The following USP53 variants were observed in gnomAD, a reference collection of about 807,000 sequenced individuals.
USP53 encodes the protein ubiquitin carboxyl-terminal hydrolase 53.
In USP53, 71 loss-of-function variants were observed where a neutral mutation model predicts 94.9. The ratio of observed to expected loss-of-function variants is 0.75; its 90% confidence interval spans 0.62 to 0.91. The LOEUF is 0.91. USP53 is among the 40% of genes least tolerant of loss of function. The pLI is 0.00. For missense variants in USP53, 1,173 were observed against 1,281.0 expected, an observed-to-expected ratio of 0.92 and a Z score of 1.29; for synonymous variants, 375 against 422.7, an observed-to-expected ratio of 0.89 and a Z score of 1.39.
chr4:119,223,335 A>G (rs915646463), intron 3 of USP53, among the ~76,000 whole-genome samples: 1 of 152,196 alleles, frequency 6.6e-6, no homozygotes, highest in Non-Finnish European at 1.5e-5. Context: ...AGAACTGGGA[A>G]AGAACTACAG....
At chr4:119,256,094 C>A in intron 7 of USP53, 152 bp from the exon 8 acceptor site, 1 of 564,144 alleles carries the variant, frequency 1.8e-6, no homozygotes, top group Non-Finnish European at 3.1e-6. Flanking sequence ...AACATTCGAT[C>A]AAAGTGTTGA....
intron 7 of USP53, among the ~76,000 whole-genome samples, chr4:119,252,863 G>A (rs946421156): frequency 5.9e-5 from 9 of 152,002 alleles, no homozygotes; most frequent in Non-Finnish European, 1.3e-4. Flanking sequence ...TTTCTCTCGT[G>A]GGCATTTCAT....
At chr4:119,251,227 C>T (rs1748956517) in intron 7 of USP53, among the ~76,000 whole-genome samples, 1 of 152,164 alleles carries the variant, frequency 6.6e-6, no homozygotes, top group African/African-American at 2.4e-5. Context: ...CTGCAAAGGA[C>T]ATGAACTCAT....
Position 119,268,333 on chromosome 4 carries a change from A to G in USP53, c.1201A>G (p.Lys401Glu). ...AGAAAATGGATTTGGTGATCAGGCA[A>G]AGCAGAGAGAAAATCAGAAATTTCC... is the stretch of plus-strand genomic sequence containing the variant. The part of the protein sequence containing the change: ...LKENGFGDQA[K>E]QRENQKFPTD... The change falls in exon 14 of 19, where the codon AAG becomes GAG. Residue 401 changes from lysine to glutamate, a missense_variant. Coordinates refer to ENST00000692078, the MANE Select transcript of USP53 (RefSeq NM_001371395.1). The G allele has an allele frequency of 6.2e-7, 1 of 1,614,056 alleles. No homozygotes were observed. Among genetic ancestry groups the G allele is most frequent in the South Asian group, 1.1e-5 (1 of 91,078 alleles).
intron 9 of USP53, among the ~76,000 whole-genome samples, chr4:119,259,544 T>G (rs1022139517): frequency 6.6e-6 from 1 of 152,200 alleles, no homozygotes; most frequent in African/African-American, 2.4e-5. Context: ...TAGAATTACC[T>G]CCAGACAGAG....
intron 5 of USP53, among the ~76,000 whole-genome samples, chr4:119,242,626 C>T (rs1747692526): frequency 6.6e-6 from 1 of 152,194 alleles, no homozygotes; most frequent in African/African-American, 2.4e-5. Flanking sequence ...CTCTGCAGTA[C>T]TCTGCCCTGC....
rs1452881721 is a variant in USP53 at position 119,294,107 on chromosome 4, TTTTGG to T, written c.*905_*909del. The T allele has an allele frequency of 6.6e-6, 1 of 152,088 alleles. No homozygotes were observed. Among genetic ancestry groups the T allele is most frequent in the African/African-American group, 2.4e-5 (1 of 41,440 alleles). The allele number at this position is 152,088 out of a possible 1,614,324, so 9.4% of individuals were successfully genotyped here. On this transcript the variant is annotated 3_prime_UTR_variant, in exon 19 of 19. Coordinates refer to ENST00000692078, the MANE Select transcript of USP53 (RefSeq NM_001371395.1). Reference sequence around the variant, plus strand: ...TTATATGAAATGTGAAAGGTCTTTATTTTGGTTTGGTTTACTTTGGGCTGCTAACC... The same window carrying T: ...TTATATGAAATGTGAAAGGTCTTTATTTTGGTTTACTTTGGGCTGCTAACC...
At chr4:119,252,823 G>A (rs1749213722) in intron 7 of USP53, among the ~76,000 whole-genome samples, 1 of 152,082 alleles carries the variant, frequency 6.6e-6, no homozygotes, top group Admixed American at 6.6e-5. Flanking sequence ...TAATTATGAT[G>A]TTAGGGTGTC....
At position 119,292,907 on chromosome 4, in the gene USP53, T is replaced by A. The variant is rs1237815288; in HGVS notation, c.2918T>A (p.Val973Glu). The A allele has an allele frequency of 6.2e-6, 10 of 1,613,866 alleles. No homozygotes were observed. The East Asian group carries it at 2.2e-4, about 36-fold the overall frequency. The change falls in exon 19 of 19, where the codon GTG (valine) becomes GAG (glutamate). Residue 973 changes from valine to glutamate, a missense_variant. Val to Glu is a moderately radical substitution (Grantham distance 121, BLOSUM62 -2). Transcript: ENST00000692078. ...ACAGCTTCAGAACCAAGTTTAGAAGTGAGTACACATATGAATGATGAAAGA... is the reference window on the plus strand; with the variant it reads ...ACAGCTTCAGAACCAAGTTTAGAAGAGAGTACACATATGAATGATGAAAGA... The part of the protein sequence containing the change: ...LSTASEPSLE[V>E]STHMNDERHK...
rs116486059 is a variant in USP53 at position 119,271,521 on chromosome 4, A to G, written c.1661A>G (p.Asn554Ser). 1.4e-3 allele frequency: 2,259 copies of G among 1,613,582 alleles called. 26 individuals are homozygous for G. In the African/African-American group the frequency reaches 0.026, roughly 19 times the overall value. The change falls in exon 16 of 19, where the codon AAT (asparagine) becomes AGT (serine). Residue 554 changes from asparagine (N) to serine (S), a missense_variant. Asn to Ser is a conservative substitution (Grantham distance 46). Coordinates refer to ENST00000692078, the MANE Select transcript of USP53 (RefSeq NM_001371395.1). ...EKITGKVKSD[N>S]GTGYDTDSSQ... ...ATAACTGGCAAAGTTAAGAGTGACA[A>G]TGGCACTGGATATGACACAGACAGC...
chr4:119,234,880 G>C (rs1017634704), intron 3 of USP53, among the ~76,000 whole-genome samples: 2 of 152,196 alleles, frequency 1.3e-5, no homozygotes, highest in African/African-American at 4.8e-5. Flanking sequence ...CCACAGCTGA[G>C]GTTCCGCATC....
intron 4 of USP53, among the ~76,000 whole-genome samples, chr4:119,237,252 A>G (rs1260450925): frequency 6.6e-6 from 1 of 152,180 alleles, no homozygotes; most frequent in Non-Finnish European, 1.5e-5. Context: ...TGTAGAATAC[A>G]GTCAGTCTAG....
chr4:119,258,734 T>C (rs1442515907), intron 9 of USP53, among the ~76,000 whole-genome samples: 1 of 152,196 alleles, frequency 6.6e-6, no homozygotes, highest in Non-Finnish European at 1.5e-5. Context: ...CTTGTGAGAC[T>C]TATTCACTAC....
At chr4:119,225,683 G>A (rs948050493) in intron 3 of USP53, among the ~76,000 whole-genome samples, 2 of 151,864 alleles carry the variant, frequency 1.3e-5, no homozygotes, top group Non-Finnish European at 2.9e-5. Flanking sequence ...GAGGTGGAGT[G>A]AGCTGAGATT....
chr4:119,222,796 C>A (rs560669804), intron 3 of USP53, among the ~76,000 whole-genome samples: 23 of 152,160 alleles, frequency 1.5e-4, no homozygotes, highest in African/African-American at 5.5e-4. Flanking sequence ...GATTTTCTTT[C>A]TTTTGGGTAT....
intron 3 of USP53, among the ~76,000 whole-genome samples, chr4:119,227,366 C>G (rs892292427): frequency 2.0e-5 from 3 of 151,460 alleles, no homozygotes; most frequent in African/African-American, 7.3e-5. Flanking sequence ...GGGCCGGGCG[C>G]TGTGGCTCAC....
At chr4:119,273,328 A>G (rs946727255) in intron 16 of USP53, 19 of 175,098 alleles carry the variant, frequency 1.1e-4, no homozygotes, top group African/African-American at 4.5e-4. Context: ...AAAAAAAAAA[A>G]AAGACTTGAC....
At chr4:119,276,586 T>G (rs1241968478) in intron 17 of USP53, among the ~76,000 whole-genome samples, 3 of 140,584 alleles carry the variant, frequency 2.1e-5, no homozygotes, top group Non-Finnish European at 4.7e-5. Context: ...TCTGCCCGGC[T>G]TTGGTATCAG....
Position 119,239,896 on chromosome 4 carries a change from C to T in USP53, c.137C>T (p.Ala46Val). The T allele has an allele frequency of 1.3e-6, 2 of 1,588,208 alleles. No homozygotes were observed. Residue 46 changes from alanine (A) to valine (V), a missense_variant, in exon 5 of 19, where the codon GCT (alanine) becomes GTT (valine). Ala to Val is a moderately conservative substitution (Grantham distance 64). Transcript: ENST00000692078. Reference sequence around the variant, plus strand: ...CAAAACAGCTGCTTTCTTAATAGCGCTGTACAGGTGAGACCATAATTACTT... The same window carrying T: ...CAAAACAGCTGCTTTCTTAATAGCGTTGTACAGGTGAGACCATAATTACTT... ...PGQNSCFLNS[A>V]VQVLWQLDIF... is the part of the protein sequence containing the mutation.
Sources: allele counts gnomAD v4.1 joint callset (sites outside exome capture counted in the v4.1 genomes callset), GRCh38; gene constraint gnomAD v4.1.1; transcripts MANE v1.5; gene names NCBI Gene and HGNC (gene_info 2026-07-23, HGNC 2026-07-21).